Variants in RAD50 observed in about 807,000 individuals in gnomAD.
RAD50 encodes the protein DNA repair protein RAD50.
RAD50 carries 132 observed loss-of-function variants against 168.8 expected under a neutral mutation model. The observed-to-expected ratio is 0.78, with a 90% confidence interval of 0.68 to 0.90. The LOEUF (loss-of-function observed/expected upper bound fraction) is 0.90. RAD50 is among the 40% of genes least tolerant of loss of function. RAD50 has a pLI of 0.00. For synonymous variants in RAD50, 525 were observed against 497.4 expected, an observed-to-expected ratio of 1.06 and a Z score of -0.74; for missense variants, 1,347 against 1,534.4, an observed-to-expected ratio of 0.88 and a Z score of 2.04.
At position 132,557,083 on chromosome 5, in the gene RAD50, C is replaced by G; in HGVS notation, c.-242C>G. 3 of 666,824 alleles carry G rather than the reference C, an allele frequency of 4.5e-6. No individual in the cohort carries two copies. Among genetic ancestry groups the G allele is most frequent in the Non-Finnish European group, 7.4e-6 (3 of 407,476 alleles). 41.3% of individuals were successfully genotyped at this position (666,824 alleles called of 1,614,324 possible). A position where few individuals can be genotyped will look rare whatever the true frequency, so the allele number is the denominator to read the frequency against. ...CGGCGGGCAGCCCCAGGCTGGTCCCCGCCTCCGCTCTCCCCACCGGCGGGG... is the reference window on the plus strand; with the variant it reads ...CGGCGGGCAGCCCCAGGCTGGTCCCGGCCTCCGCTCTCCCCACCGGCGGGG... On this transcript the variant is annotated 5_prime_UTR_variant, in exon 1 of 25. Coordinates refer to ENST00000378823, the MANE Select transcript of RAD50 (RefSeq NM_005732.4).
intron 23 of RAD50, among the ~76,000 whole-genome samples, chr5:132,638,551 A>G (rs546864044): frequency 1.6e-4 from 24 of 152,326 alleles, no homozygotes; most frequent in African/African-American, 5.5e-4. Flanking sequence ...TATAAGACAT[A>G]CCACTATTTT....
intron 23 of RAD50, among the ~76,000 whole-genome samples, chr5:132,639,387 A>G (rs934828835): frequency 7.3e-5 from 11 of 151,716 alleles, no homozygotes; most frequent in South Asian, 2.1e-4. Flanking sequence ...TGCCATGCAT[A>G]TATGTATTAT....
chr5:132,557,122 T>G lies in RAD50; in HGVS notation c.-203T>G, dbSNP rs982079297. ...CCACCGGCGGGGAAAGCAGCTGGTGTGGGAGGAAAGGCTCCATCCCCCGCC... is the reference window on the plus strand; with the variant it reads ...CCACCGGCGGGGAAAGCAGCTGGTGGGGGAGGAAAGGCTCCATCCCCCGCC... On this transcript the variant is annotated 5_prime_UTR_variant, in exon 1 of 25. Coordinates refer to ENST00000378823, the MANE Select transcript of RAD50 (RefSeq NM_005732.4). The G allele has an allele frequency of 2.4e-5, 18 of 747,098 alleles. No homozygotes were observed. The highest frequency in any genetic ancestry group is 3.5e-5 in the Non-Finnish European group (16 of 459,242). 46.3% of individuals were successfully genotyped at this position (747,098 alleles called of 1,614,324 possible).
Position 132,603,313 on chromosome 5 carries a change from G to T in RAD50, c.2221G>T (p.Asp741Tyr). The T allele has an allele frequency of 6.2e-7, 1 of 1,612,084 alleles. No homozygotes were observed. The highest frequency in any genetic ancestry group is 1.1e-5 in the South Asian group (1 of 90,866). Residue 741 changes from aspartate to tyrosine, a missense_variant, in exon 14 of 25, where the codon GAT becomes TAT. Physicochemically the swap from Asp to Tyr is radical, Grantham distance 160. Around this residue, in one of 3 missense-constraint regions of RAD50, gnomAD observed 635 missense variants for 739.2 expected, o/e 0.86. Coordinates refer to ENST00000378823, the MANE Select transcript of RAD50 (RefSeq NM_005732.4). ...GLVPMRQSII[D>Y]LKEKEIPELR... ...TTTTCTATTTAGGCAAAGCATAATT[G>T]ATTTGAAGGAGAAGGAAATACCAGA...
chr5:132,562,302 A>G (rs534845875), intron 2 of RAD50, among the ~76,000 whole-genome samples: 1 of 152,296 alleles, frequency 6.6e-6, no homozygotes, highest in African/African-American at 2.4e-5. Flanking sequence ...GGTTGCTGAG[A>G]GAAGACTGTC....
chr5:132,579,082 A>G (rs1283009768), intron 3 of RAD50, among the ~76,000 whole-genome samples: 2 of 152,224 alleles, frequency 1.3e-5, no homozygotes, highest in Non-Finnish European at 2.9e-5. Context: ...AAATATGTAA[A>G]AAATAAATTC....
intron 2 of RAD50, among the ~76,000 whole-genome samples, chr5:132,564,027 G>A (rs765918601): frequency 1.4e-4 from 22 of 152,144 alleles, no homozygotes; most frequent in Non-Finnish European, 2.5e-4. Flanking sequence ...CTGCAGAACC[G>A]TGAGCCAATT....
chr5:132,638,371 T>A lies in RAD50; in HGVS notation c.3618+148T>A, dbSNP rs7737470. The A allele has an allele frequency of 0.21, 192,454 of 911,576 alleles. 21,185 individuals are homozygous for A. Among genetic ancestry groups the A allele is most frequent in the African/African-American group, 0.25 (15,251 of 60,660 alleles). 56.5% of individuals were successfully genotyped at this position (911,576 alleles called of 1,614,324 possible). On this transcript the variant is annotated intron_variant, in intron 23 of 24. Coordinates refer to ENST00000378823, the MANE Select transcript of RAD50 (RefSeq NM_005732.4). ...TAAAATGAATCAGGCTCAGCTACTATTATTACACTCTCCTGAAGCTAACCA... is the reference window on the plus strand; with the variant it reads ...TAAAATGAATCAGGCTCAGCTACTAATATTACACTCTCCTGAAGCTAACCA...
At position 132,587,974 on chromosome 5, in the gene RAD50, G is replaced by A; in HGVS notation, c.936G>A (p.Gln312=). Residue 312 remains glutamine (Q), a synonymous_variant, in exon 7 of 25, where the codon CAG becomes CAA. Transcript: ENST00000378823. ...EQLNDLYHNH[Q]RTVREKERKL... ...TAAATGACTTATATCACAATCACCA[G>A]AGAACAGTAAGGGAGAAAGAAAGGA... The A allele has an allele frequency of 6.2e-7, 1 of 1,612,902 alleles. No homozygotes were observed. Among genetic ancestry groups the A allele is most frequent in the Non-Finnish European group, 8.5e-7 (1 of 1,179,112 alleles).
chr5:132,593,441 A>G (rs2149843235), intron 11 of RAD50: 1 of 152,464 alleles, frequency 6.6e-6, no homozygotes, highest in South Asian at 2.1e-4. Context: ...CAAATTAAGT[A>G]AAATGGTAAC....
chr5:132,596,928 G>A (rs761488107), intron 13 of RAD50, among the ~76,000 whole-genome samples: 6 of 152,184 alleles, frequency 3.9e-5, no homozygotes, highest in Non-Finnish European at 8.8e-5. Context: ...CGGTGCAAAG[G>A]GAAGAGGAGT....
chr5:132,600,826 A>G (rs1750874598), intron 13 of RAD50, among the ~76,000 whole-genome samples: 1 of 152,220 alleles, frequency 6.6e-6, no homozygotes. Flanking sequence ...ATAAAAAATG[A>G]TAGGCAGGCA....
intron 5 of RAD50, among the ~76,000 whole-genome samples, chr5:132,586,266 T>C (rs2706357): frequency 0.12 from 17,939 of 152,210 alleles, 3,406 homozygotes; most frequent in African/African-American, 0.4. Context: ...ATCTTATTGT[T>C]ATCTTGTCTC....
intron 21 of RAD50, among the ~76,000 whole-genome samples, chr5:132,626,869 GCTTTTTT>G (rs751230804): frequency 7.9e-5 from 12 of 151,936 alleles, no homozygotes; most frequent in Admixed American, 4.6e-4. Context: ...GTGGCCCCCT[GCTTTTTT>G]TTTTATTTTT....
At chr5:132,624,140 T>C (rs1019785398) in intron 21 of RAD50, among the ~76,000 whole-genome samples, 1 of 152,136 alleles carries the variant, frequency 6.6e-6, no homozygotes, top group Non-Finnish European at 1.5e-5. Flanking sequence ...TCATTGTGAG[T>C]GGGTACGTTA....
At chr5:132,631,860 C>T (rs1322890542) in intron 21 of RAD50, among the ~76,000 whole-genome samples, 2 of 152,132 alleles carry the variant, frequency 1.3e-5, no homozygotes, top group Non-Finnish European at 2.9e-5. Context: ...TGTGAGCCAC[C>T]GCACCCAGCC....
chr5:132,559,143 T>C, intron 1 of RAD50, 141 bp from the exon 2 acceptor site: 1 of 843,012 alleles, frequency 1.2e-6, no homozygotes, highest in Non-Finnish European at 1.7e-6. Flanking sequence ...CTTAATCATA[T>C]TTTTATTACA....
chr5:132,603,588 G>A (rs1375045377), intron 14 of RAD50, 99 bp downstream of exon 14: 1 of 1,311,768 alleles, frequency 7.6e-7, no homozygotes, highest in East Asian at 2.4e-5. Context: ...TCAGGTACAG[G>A]TTGTGTTTAG....
In RAD50 at chr5:132,608,588, A is replaced by G. The variant is rs1353695374; in HGVS notation, c.2719-27A>G. 3 of 1,491,852 alleles carry G rather than the reference A, an allele frequency of 2.0e-6. No homozygotes were observed. The African/African-American group carries it at 4.2e-5, about 21-fold the overall frequency. The allele number at this position is 1,491,852 out of a possible 1,614,324, so 92.4% of individuals were successfully genotyped here. ...AAAGTAAGATAATGGAATATTATAT[A>G]ATACTTTATCTTTTTTATATTTTTA... On this transcript the variant is annotated intron_variant, in intron 16 of 24. Coordinates refer to ENST00000378823, the MANE Select transcript of RAD50 (RefSeq NM_005732.4).
Sources: allele counts gnomAD v4.1 joint callset (sites outside exome capture counted in the v4.1 genomes callset), GRCh38; gene constraint gnomAD v4.1.1; regional missense constraint gnomAD v4.1.1; transcripts MANE v1.5; gene names NCBI Gene and HGNC (gene_info 2026-07-23, HGNC 2026-07-21).